The following HEATR4 variants were observed in gnomAD, a reference collection of about 807,000 sequenced individuals.
HEATR4 encodes HEAT repeat-containing protein 4.
Under a neutral mutation model 108.8 loss-of-function variants are expected in HEATR4, and 95 were observed. The observed-to-expected ratio is 0.87, with a 90% CI of 0.74 to 1.04. The LOEUF is 1.04. Among genes scored for constraint, HEATR4 ranks in the 50% least tolerant of loss-of-function variants. The probability of loss-of-function intolerance (pLI) is 0.00; values close to 1 mark genes in which losing one functional copy is unlikely to be tolerated. For missense variants in HEATR4, 1,152 were observed against 1,253.8 expected (o/e 0.92, Z 1.23); for synonymous variants, 443 against 459.4 (o/e 0.96, Z 0.46).
chr14:73,575,000 TGTC>T, the HEATR4 span: 2 of 1,601,104 alleles, frequency 1.2e-6, no homozygotes, highest in Non-Finnish European at 8.5e-7. Context: ...TCACGGCTGC[TGTC>T]GTCATCAACG....
the HEATR4 span, among the ~76,000 whole-genome samples, chr14:73,600,098 T>C: frequency 1.3e-5 from 2 of 152,124 alleles, no homozygotes; most frequent in Non-Finnish European, 2.9e-5. Flanking sequence ...TGCATGTCCA[T>C]AATACAATGG....
chr14:73,616,700 T>A, the HEATR4 span: 653 of 143,156 alleles, frequency 4.6e-3, 6 homozygotes, highest in African/African-American at 0.015. Context: ...CAAAAAAAAA[T>A]TTTTTTTTTA....
the HEATR4 span, among the ~76,000 whole-genome samples, chr14:73,586,349 AC>A: frequency 5.9e-5 from 9 of 151,830 alleles, no homozygotes; most frequent in Non-Finnish European, 1.0e-4. Flanking sequence ...AGCCGAGATC[AC>A]GCCATTGCAT....
the HEATR4 span, among the ~76,000 whole-genome samples, chr14:73,578,308 C>A: frequency 6.7e-6 from 1 of 148,934 alleles, no homozygotes; most frequent in African/African-American, 2.5e-5. Context: ...CGGCTCACTA[C>A]AGTCTTGATC....
At chr14:73,612,551 C>T in the HEATR4 span, 1 of 1,321,014 alleles carries the variant, frequency 7.6e-7, no homozygotes, top group South Asian at 1.8e-5. Flanking sequence ...GCTGGGTCGC[C>T]CCTGTTCTAC....
chr14:73,512,199 A>G, intron 6 of HEATR4, 50 bp from the exon 7 acceptor site: 12 of 1,602,864 alleles, frequency 7.5e-6, no homozygotes, highest in Non-Finnish European at 9.4e-6. Context: ...TTAGGGTTAG[A>G]TATTGTGCTG....
At chr14:73,529,475 T>G (rs1888572912) in intron 2 of HEATR4, among the ~76,000 whole-genome samples, 1 of 151,502 alleles carries the variant, frequency 6.6e-6, no homozygotes, top group Non-Finnish European at 1.5e-5. Flanking sequence ...AGGGGAGGAA[T>G]GGGGTTGGAA....
chr14:73,608,117 G>A, the HEATR4 span, among the ~76,000 whole-genome samples: 3 of 151,518 alleles, frequency 2.0e-5, no homozygotes, highest in Non-Finnish European at 2.9e-5. Flanking sequence ...TAGAGATGGG[G>A]TTTCACCATC....
At chr14:73,493,320 C>A in intron 16 of HEATR4, 196 bp from the exon 17 acceptor site, 1 of 560,048 alleles carries the variant, frequency 1.8e-6, no homozygotes, top group Non-Finnish European at 3.2e-6. Context: ...ATGGGCGGGT[C>A]GGGGTCAGTA....
the HEATR4 span, among the ~76,000 whole-genome samples, chr14:73,588,298 C>A: frequency 3.9e-5 from 6 of 152,150 alleles, no homozygotes; most frequent in African/African-American, 1.4e-4. Flanking sequence ...CCGAGCCCGG[C>A]CTATCTCTCT....
chr14:73,573,411 G>C, the HEATR4 span: 9 of 1,613,648 alleles, frequency 5.6e-6, no homozygotes, highest in Admixed American at 1.3e-4. Flanking sequence ...TCCTGGGATT[G>C]TGGACATGTT....
At chr14:73,497,394 C>G (rs1886170470) in intron 14 of HEATR4, among the ~76,000 whole-genome samples, 1 of 152,160 alleles carries the variant, frequency 6.6e-6, no homozygotes, top group Non-Finnish European at 1.5e-5. Flanking sequence ...ACCTTTATGA[C>G]AGGCGCTAAA....
chr14:73,518,795 A>G (rs531430025), intron 5 of HEATR4, among the ~76,000 whole-genome samples: 2 of 152,320 alleles, frequency 1.3e-5, no homozygotes, highest in Admixed American at 6.5e-5. Flanking sequence ...TACCTAAGTT[A>G]TATCAGATCT....
chr14:73,478,529 G>T lies in HEATR4; in HGVS notation c.*77C>A. ...TTATAAACATAGTGACAACAAGATTGTACAGTATCAATTAAAAAGACCCAA... is the reference window on the plus strand; with the variant it reads ...TTATAAACATAGTGACAACAAGATTTTACAGTATCAATTAAAAAGACCCAA... On this transcript the variant is annotated 3_prime_UTR_variant, in exon 18 of 18. Transcript: ENST00000553558. 1.1e-6 allele frequency: 1 copy of T among 899,984 alleles called. No homozygotes were observed. Among genetic ancestry groups the T allele is most frequent in the Non-Finnish European group, 1.8e-6 (1 of 556,024 alleles). 55.7% of individuals were successfully genotyped at this position (899,984 alleles called of 1,614,324 possible).
chr14:73,595,015 A>G, the HEATR4 span: 1 of 1,607,604 alleles, frequency 6.2e-7, no homozygotes, highest in Non-Finnish European at 8.5e-7. Context: ...TGGATAAGTT[A>G]TTGACTCAAC....
the HEATR4 span, among the ~76,000 whole-genome samples, chr14:73,575,827 C>T: frequency 2.6e-5 from 4 of 151,866 alleles, no homozygotes; most frequent in South Asian, 4.2e-4. Flanking sequence ...GTGTCTGGTA[C>T]GTAAATGGAG....
At chr14:73,505,890 C>CTTTTTTTTTTTTTTTTTTTTTTTTTT (rs139879719) in intron 10 of HEATR4, among the ~76,000 whole-genome samples, 1 of 113,324 alleles carries the variant, frequency 8.8e-6, no homozygotes, top group Non-Finnish European at 1.8e-5. Flanking sequence ...ATAAACGTTT[C>CTTTTTTTTTTTTTTTTTTTTTTTTTT]TTTTTTTTTT....
At chr14:73,525,511 A>T (rs1595139400) in intron 2 of HEATR4, among the ~76,000 whole-genome samples, 1 of 152,196 alleles carries the variant, frequency 6.6e-6, no homozygotes, top group Non-Finnish European at 1.5e-5. Context: ...TAAGAGAAAG[A>T]GGGTGGTCAC....
the HEATR4 span, chr14:73,575,691 T>G: frequency 1.3e-5 from 8 of 599,164 alleles, no homozygotes; most frequent in Non-Finnish European, 2.1e-5. Context: ...ACTGTATACT[T>G]TATCAGTTTG....
Sources: allele counts gnomAD v4.1 joint callset (sites outside exome capture counted in the v4.1 genomes callset), GRCh38; gene constraint gnomAD v4.1.1; transcripts MANE v1.5; gene names NCBI Gene and HGNC (gene_info 2026-07-23, HGNC 2026-07-21).